The following CDC27 variants were observed in gnomAD, a reference collection of about 807,000 sequenced individuals.
CDC27 encodes the protein cell division cycle protein 27 homolog.
Under a neutral mutation model 109.7 loss-of-function variants are expected in CDC27, and 27 were observed. The ratio of observed to expected loss-of-function variants is 0.25; its 90% CI spans 0.18 to 0.34. CDC27 has a LOEUF of 0.34. Ranked by LOEUF, CDC27 falls within the 10% of genes least tolerant of loss-of-function variation. The pLI is 1.00. For missense variants in CDC27, 579 were observed against 960.2 expected (o/e 0.60, Z 5.25); for synonymous variants, 266 against 333.9 (o/e 0.80, Z 2.22).
intron 2 of CDC27, among the ~76,000 whole-genome samples, chr17:47,173,218 A>G (rs2063867961): frequency 6.6e-6 from 1 of 152,340 alleles, no homozygotes; most frequent in Non-Finnish European, 1.5e-5. Context: ...TTTGTCACAG[A>G]TATGTGCAAG....
At chr17:47,159,295 C>G (rs2063417928) in intron 4 of CDC27, 2 of 609,646 alleles carry the variant, frequency 3.3e-6, no homozygotes, top group Non-Finnish European at 5.4e-6. Flanking sequence ...TTGGTGAATA[C>G]AGTCTCCTTC....
chr17:47,146,944 T>G (rs1418943155), intron 9 of CDC27, among the ~76,000 whole-genome samples: 1 of 152,052 alleles, frequency 6.6e-6, no homozygotes, highest in Non-Finnish European at 1.5e-5. Context: ...GTGCCTATAG[T>G]TCCAGCTACC....
intron 14 of CDC27, among the ~76,000 whole-genome samples, chr17:47,133,713 G>A (rs1423504902): frequency 1.3e-5 from 2 of 152,110 alleles, no homozygotes; most frequent in Non-Finnish European, 2.9e-5. Context: ...CAAAGTGGTG[G>A]GATTACAGGC....
chr17:47,171,262 G>T (rs1030351356), intron 3 of CDC27, among the ~76,000 whole-genome samples: 4 of 152,088 alleles, frequency 2.6e-5, no homozygotes, highest in African/African-American at 7.2e-5. Flanking sequence ...TTAGTCACTG[G>T]ACAGATAATA....
chr17:47,142,738 T>C (rs2062833165), intron 10 of CDC27, among the ~76,000 whole-genome samples: 1 of 152,170 alleles, frequency 6.6e-6, no homozygotes, highest in Non-Finnish European at 1.5e-5. Context: ...GTAGATGTAA[T>C]TCTCAGCTCA....
At chr17:47,126,073 A>C (rs544518902) in intron 16 of CDC27, among the ~76,000 whole-genome samples, 1 of 152,300 alleles carries the variant, frequency 6.6e-6, no homozygotes, top group African/African-American at 2.4e-5. Context: ...TTAAAGACTT[A>C]AGATTTAAAT....
At chr17:47,151,671 G>C in intron 9 of CDC27, 135 bp downstream of exon 9, 1 of 609,656 alleles carries the variant, frequency 1.6e-6, no homozygotes, top group Non-Finnish European at 2.7e-6. Context: ...TAAGTTAGAG[G>C]TTTCAAATTT....
intron 13 of CDC27, 73 bp downstream of exon 13, chr17:47,138,666 G>T: frequency 9.7e-7 from 1 of 1,030,312 alleles, no homozygotes; most frequent in Non-Finnish European, 1.5e-6. Flanking sequence ...TGTTTGAATT[G>T]CTTGGTTCAT....
At chr17:47,128,266 A>G (rs1218902877) in intron 16 of CDC27, among the ~76,000 whole-genome samples, 2 of 152,116 alleles carry the variant, frequency 1.3e-5, no homozygotes, top group African/African-American at 4.8e-5. Context: ...TCTGACCTCA[A>G]GTGATTTGCC....
At chr17:47,126,062 C>G (rs544696178) in intron 16 of CDC27, among the ~76,000 whole-genome samples, 21 of 152,118 alleles carry the variant, frequency 1.4e-4, no homozygotes, top group Non-Finnish European at 2.6e-4. Flanking sequence ...TTACTTTTAC[C>G]TTAAAGACTT....
At chr17:47,181,306 T>C in intron 2 of CDC27, 1 of 108,036 alleles carries the variant, frequency 9.3e-6, no homozygotes, top group East Asian at 2.1e-4. Flanking sequence ...ACAAAAACCC[T>C]GGGGGAAAAA....
chr17:47,170,276 T>C lies in CDC27; in HGVS notation c.252-234A>G, dbSNP rs542552056. The C allele has an allele frequency of 1.6e-4, 43 of 260,810 alleles. No homozygotes were observed. The South Asian group carries it at 1.8e-3, about 11-fold the overall frequency. The allele number at this position is 260,810 out of a possible 1,614,324, so 16.2% of individuals were successfully genotyped here. ...TGCAGTAGTACAATCATAGTTCACA[T>C]GGCCTCAAATTCCTGGACTCAGGTG... is the stretch of plus-strand genomic sequence containing the variant. On this transcript the variant is annotated intron_variant, in intron 3 of 18. Coordinates refer to ENST00000066544, the MANE Select transcript of CDC27 (RefSeq NM_001256.6).
Position 47,189,181 on chromosome 17 carries a change from C to A in CDC27, c.-9G>T, listed in dbSNP as rs1241339217. The A allele has an allele frequency of 1.2e-6, 2 of 1,611,354 alleles. No individual in the cohort carries two copies. Among genetic ancestry groups the A allele is most frequent in the East Asian group, 4.5e-5 (2 of 44,874 alleles). On this transcript the variant is annotated 5_prime_UTR_variant, in exon 1 of 19. Coordinates refer to ENST00000066544, the MANE Select transcript of CDC27 (RefSeq NM_001256.6). Reference sequence around the variant, plus strand: ...TCCTGCAGCACCGTCATCCTCGAGGCTCAGGCCCACTTTCTGCAGTGCCTC... The same window carrying A: ...TCCTGCAGCACCGTCATCCTCGAGGATCAGGCCCACTTTCTGCAGTGCCTC...
chr17:47,122,927 A>G (rs752115627), intron 17 of CDC27, among the ~76,000 whole-genome samples: 1 of 152,120 alleles, frequency 6.6e-6, no homozygotes, highest in Non-Finnish European at 1.5e-5. Context: ...CCTGCCTCCC[A>G]AAGTGCTGGG....
Position 47,117,847 on chromosome 17 carries a change from ATC to A in CDC27, c.*3086_*3087del, listed in dbSNP as rs879541860. 6.6e-5 allele frequency: 10 copies of A among 152,324 alleles called. No individual in the cohort carries two copies. Among genetic ancestry groups the A allele is most frequent in the Admixed American group, 3.3e-4 (5 of 15,290 alleles). The allele number at this position is 152,324 out of a possible 1,614,324, so 9.4% of individuals were successfully genotyped here. A position where few individuals can be genotyped will look rare whatever the true frequency, so the allele number is the denominator to read the frequency against. On this transcript the variant is annotated 3_prime_UTR_variant, in exon 19 of 19. Coordinates refer to ENST00000066544, the MANE Select transcript of CDC27 (RefSeq NM_001256.6). Reference sequence around the variant, plus strand: ...AGTTTTTTGTGAAACATAAAACTGTATCTCTGTTTTTCTGTGCCTTCTTATTA... The same window carrying A: ...AGTTTTTTGTGAAACATAAAACTGTATCTGTTTTTCTGTGCCTTCTTATTA...
intron 9 of CDC27, among the ~76,000 whole-genome samples, chr17:47,149,509 TAAAAAAAA>T (rs34375130): frequency 2.7e-5 from 3 of 112,178 alleles, no homozygotes; most frequent in Admixed American, 9.5e-5. Flanking sequence ...GACTCTGTCT[TAAAAAAAA>T]AAAAAAAAAA....
At chr17:47,138,648 C>T (rs1425875062) in intron 13 of CDC27, 91 bp downstream of exon 13, 1 of 871,626 alleles carries the variant, frequency 1.1e-6, no homozygotes, top group African/African-American at 1.7e-5. Context: ...GTGGGTGACA[C>T]TAAATAGTGT....
rs1400719322 is a variant in CDC27, at chr17:47,151,835, T to C, written c.1041A>G (p.Ala347=). The change falls in exon 9 of 19, where the codon GCA becomes GCG. Residue 347 remains alanine, a synonymous_variant. Transcript: ENST00000066544. ...TTTGTGGACCAGAACTTTGTGTTTGTGCAAGAATTGGAGTTACCTCTCGGC... is the reference window on the plus strand; with the variant it reads ...TTTGTGGACCAGAACTTTGTGTTTGCGCAAGAATTGGAGTTACCTCTCGGC... ...GNSREVTPIL[A]QTQSSGPQTS... is the part of the protein sequence containing the mutation. 2.5e-6 allele frequency: 4 copies of C among 1,604,702 alleles called. No individual in the cohort carries two copies. The highest frequency in any genetic ancestry group is 1.3e-5 in the African/African-American group (1 of 74,848).
At chr17:47,135,589 A>C (rs1423242478) in intron 14 of CDC27, among the ~76,000 whole-genome samples, 1 of 152,206 alleles carries the variant, frequency 6.6e-6, no homozygotes, top group East Asian at 1.9e-4. Flanking sequence ...GTGAAAACAA[A>C]AGAAAGGCTA....
Sources: gnomAD v4.1 joint callset for allele counts (sites outside exome capture counted in the v4.1 genomes callset) on GRCh38, gnomAD v4.1.1 for gene constraint, MANE v1.5 for transcripts, NCBI Gene and HGNC (gene_info 2026-07-23, HGNC 2026-07-21) for gene names.